ILRUN: variants seen among roughly 807,000 people sequenced by gnomAD.
ILRUN encodes the protein protein ILRUN.
In ILRUN, 3 loss-of-function variants were observed where a neutral mutation model predicts 33.8. That is an observed-to-expected ratio of 0.09 (90% CI 0.04 to 0.23). The LOEUF (loss-of-function observed/expected upper bound fraction) is 0.23. Ranked by LOEUF, ILRUN falls within the 10% of genes least tolerant of loss-of-function variation. The pLI is 1.00. For missense variants in ILRUN, 210 were observed against 375.1 expected, an observed-to-expected ratio of 0.56 and a Z score of 3.64; for synonymous variants, 124 against 138.9, an observed-to-expected ratio of 0.89 and a Z score of 0.75.
At position 34,679,645 on chromosome 6, in the gene ILRUN, G is replaced by C. The variant is rs142173150; in HGVS notation, c.158+16801C>G. On this transcript the variant is annotated intron_variant, in intron 1 of 4. Transcript: ENST00000374023. ...AGATTACACAACAAGGTGTGCAATA[G>C]GTTAAACACTATCTCCCCAAAATTC... 1.6e-4 allele frequency among the ~76,000 whole-genome samples: 25 copies of C among 152,318 alleles called. 2 individuals are homozygous for C. The East Asian group carries it at 4.8e-3, about 29-fold the overall frequency.
At chr6:34,696,009 C>A (rs1763762231) in intron 1 of ILRUN, among the ~76,000 whole-genome samples, 1 of 152,128 alleles carries the variant, frequency 6.6e-6, no homozygotes. Flanking sequence ...TCCGCCCAAT[C>A]CTGGCATCCT....
Position 34,606,754 on chromosome 6 carries a change from T to A in ILRUN, c.662A>T (p.Gln221Leu). 6.2e-7 allele frequency: 1 copy of A among 1,614,200 alleles called. No individual in the cohort carries two copies. The highest frequency in any genetic ancestry group is 8.5e-7 in the Non-Finnish European group (1 of 1,180,028). The change falls in exon 4 of 5, where the codon CAA becomes CTA. Residue 221 changes from glutamine (Q) to leucine (L), a missense_variant. Gln to Leu is a moderately radical substitution (Grantham distance 113). Transcript: ENST00000374023. ...NPFASPQKNR[Q>L]SDENNLKDPG... ...GTCTTTTAAGTTGTTTTCATCTGAT[T>A]GTCGGTTCTTTTGGGGAGAGGCAAA...
intron 3 of ILRUN, among the ~76,000 whole-genome samples, chr6:34,624,502 T>G (rs1203635705): frequency 1.3e-5 from 2 of 151,768 alleles, no homozygotes; most frequent in Non-Finnish European, 2.9e-5. Flanking sequence ...TTTGTTTTTT[T>G]GTTTTTTTTT....
rs1226210662 is a variant in ILRUN at position 34,636,514 on chromosome 6, C to T, written c.511+10087G>A. 7.2e-5 allele frequency among the ~76,000 whole-genome samples: 11 copies of T among 151,990 alleles called. No individual in the cohort carries two copies. In the South Asian group the frequency reaches 1.9e-3, roughly 26 times the overall value. On this transcript the variant is annotated intron_variant, in intron 3 of 4. Transcript: ENST00000374023. The stretch of plus-strand genomic sequence containing the variant: ...CATTATAAGGCTGGTGTCAAACCAT[C>T]GTTACAGGAACAGAATGCAATCTGC...
chr6:34,688,530 A>AT (rs1470421886), intron 1 of ILRUN, among the ~76,000 whole-genome samples: 1 of 150,022 alleles, frequency 6.7e-6, no homozygotes, highest in African/African-American at 2.5e-5. Flanking sequence ...CCAAAAAAAA[A>AT]GGCTGGGCAC....
At chr6:34,669,936 A>C (rs901020560) in intron 1 of ILRUN, among the ~76,000 whole-genome samples, 2 of 151,056 alleles carry the variant, frequency 1.3e-5, no homozygotes, top group Non-Finnish European at 3.0e-5. Flanking sequence ...TTTGAGACAG[A>C]GTTTCGCTCT....
At position 34,696,734 on chromosome 6, in the gene ILRUN, G is replaced by T; in HGVS notation, c.-131C>A. ...CCCGCTCCTTTGAGGTAGGCCCCGG[G>T]CCTCTCACAGTCTCATAGGGGTAAA... On this transcript the variant is annotated 5_prime_UTR_variant, in exon 1 of 5. Transcript: ENST00000374023. 1.2e-6 allele frequency: 1 copy of T among 845,514 alleles called. No individual in the cohort carries two copies. Among genetic ancestry groups the T allele is most frequent in the Non-Finnish European group, 1.8e-6 (1 of 553,462 alleles). The allele number at this position is 845,514 out of a possible 1,614,324, so 52.4% of individuals were successfully genotyped here.
At chr6:34,690,689 AG>A (rs1763628817) in intron 1 of ILRUN, among the ~76,000 whole-genome samples, 1 of 152,178 alleles carries the variant, frequency 6.6e-6, no homozygotes, top group Non-Finnish European at 1.5e-5. Context: ...AATTAATAGA[AG>A]CGTTCTGGCC....
chr6:34,666,342 C>T (rs1763004822), intron 1 of ILRUN, among the ~76,000 whole-genome samples: 1 of 152,106 alleles, frequency 6.6e-6, no homozygotes, highest in Admixed American at 6.5e-5. Flanking sequence ...GGCGGATCAC[C>T]TGAGGTCGGG....
chr6:34,616,668 G>C, intron 3 of ILRUN: 1 of 1,113,976 alleles, frequency 9.0e-7, no homozygotes, highest in Non-Finnish European at 1.3e-6. Context: ...TGAAAGGCAA[G>C]GAGGAAGCTT....
chr6:34,640,223 T>C (rs756585573), intron 3 of ILRUN, among the ~76,000 whole-genome samples: 3 of 151,866 alleles, frequency 2.0e-5, no homozygotes, highest in Non-Finnish European at 4.4e-5. Context: ...AGAGGTCTTG[T>C]AATATGCCCC....
At chr6:34,662,254 C>G (rs566279030) in intron 1 of ILRUN, among the ~76,000 whole-genome samples, 1 of 147,232 alleles carries the variant, frequency 6.8e-6, no homozygotes, top group Non-Finnish European at 1.5e-5. Context: ...TGCAGTGAGC[C>G]GAGATCGCGC....
At chr6:34,626,609 GAC>G (rs1241098573) in intron 3 of ILRUN, among the ~76,000 whole-genome samples, 1 of 152,160 alleles carries the variant, frequency 6.6e-6, no homozygotes. Context: ...AACCAACACT[GAC>G]ACACCATTAT....
rs1336704179 is a variant in ILRUN, at chr6:34,592,801, CA to C, written c.862-2202del. Among the ~76,000 whole-genome samples, 1 of 152,020 alleles carries C rather than the reference CA, an allele frequency of 6.6e-6. No homozygotes were observed. The highest frequency in any genetic ancestry group is 1.5e-5 in the Non-Finnish European group (1 of 68,002). ...ATCTAGAACTACCCAAGGAAAGCAA[CA>C]AAAACTTTAATTCCCTTAAGGTTTA... On this transcript the variant is annotated intron_variant, in intron 4 of 4. Transcript: ENST00000374023. This position sits in a 1 kb window ranked among gnomAD's most constrained non-coding sequence, Gnocchi z 4.0.
rs549632751 is a variant in ILRUN, at chr6:34,649,714, T to C, written c.314-2916A>G. On this transcript the variant is annotated intron_variant, in intron 2 of 4. Coordinates refer to ENST00000374023, the MANE Select transcript of ILRUN (RefSeq NM_024294.4). ...TAGCAATACAGAAGACAAACCTTAA[T>C]GATGATCTCCTTTTTAACCCTTATA... Among the ~76,000 whole-genome samples the C allele has an allele frequency of 9.8e-5, 15 of 152,316 alleles. No homozygotes were observed. In the South Asian group the frequency reaches 2.5e-3, roughly 25 times the overall value.
chr6:34,696,389 C>G, intron 1 of ILRUN, 57 bp downstream of exon 1: 2 of 1,506,996 alleles, frequency 1.3e-6, no homozygotes, highest in Middle Eastern at 1.8e-4. Context: ...TGTCCCTTCC[C>G]TTCCCCTCGG....
chr6:34,676,514 T>A (rs1427770445), intron 1 of ILRUN, among the ~76,000 whole-genome samples: 16 of 141,250 alleles, frequency 1.1e-4, no homozygotes, highest in African/African-American at 4.3e-4. Flanking sequence ...AGAGAGAGAT[T>A]TTTTTAAAGA....
At chr6:34,657,461 C>T (rs868440859) in intron 1 of ILRUN, among the ~76,000 whole-genome samples, 1 of 152,184 alleles carries the variant, frequency 6.6e-6, no homozygotes, top group African/African-American at 2.4e-5. Context: ...ACCTTTCCAA[C>T]TTATCCCACA....
At chr6:34,598,405 T>C (rs1036704898) in intron 4 of ILRUN, among the ~76,000 whole-genome samples, 6 of 152,212 alleles carry the variant, frequency 3.9e-5, no homozygotes, top group African/African-American at 1.4e-4. Context: ...CCTGAGCATC[T>C]ATACCAGGAG....
Sources: allele counts gnomAD v4.1 joint callset (sites outside exome capture counted in the v4.1 genomes callset), GRCh38; gene constraint gnomAD v4.1.1; non-coding constraint Gnocchi (gnomAD v3.1); transcripts MANE v1.5; gene names NCBI Gene and HGNC (gene_info 2026-07-23, HGNC 2026-07-21).